SGCZ: variants seen among roughly 807,000 people sequenced by gnomAD.
The protein encoded by SGCZ is sarcoglycan zeta.
In SGCZ, 40 loss-of-function variants were observed where a neutral mutation model predicts 41.3. The observed-to-expected ratio is 0.97, with a 90% confidence interval of 0.75 to 1.26. The LOEUF is 1.26. Ranked by LOEUF, SGCZ falls within the 50% of genes most tolerant of loss-of-function variation. SGCZ has a pLI of 0.00. For missense variants in SGCZ, 552 were observed against 369.8 expected, an observed-to-expected ratio of 1.49 and a Z score of -4.04; for synonymous variants, 206 against 137.5, an observed-to-expected ratio of 1.50 and a Z score of -3.49.
chr8:15,016,687 T>C (rs1270105754), intron 1 of SGCZ, among the ~76,000 whole-genome samples: 2 of 152,162 alleles, frequency 1.3e-5, no homozygotes, highest in African/African-American at 4.8e-5. Flanking sequence ...AATGTGTTAG[T>C]CTATTTTACA....
intron 1 of SGCZ, among the ~76,000 whole-genome samples, chr8:14,875,933 G>A (rs1585339941): frequency 1.3e-5 from 2 of 152,090 alleles, no homozygotes; most frequent in South Asian, 4.1e-4. Flanking sequence ...GAATAGCAGA[G>A]TAATAAACTC....
chr8:14,987,429 A>G (rs1397453046), intron 1 of SGCZ, among the ~76,000 whole-genome samples: 1 of 152,020 alleles, frequency 6.6e-6, no homozygotes, highest in Non-Finnish European at 1.5e-5. Context: ...TGCATTTTAT[A>G]GTATCAGTTT....
chr8:14,699,745 G>A (rs1036785686), intron 1 of SGCZ, among the ~76,000 whole-genome samples: 5 of 151,592 alleles, frequency 3.3e-5, no homozygotes, highest in East Asian at 1.9e-4. Context: ...TCCAGAACCC[G>A]TAAGGAACCT....
intron 4 of SGCZ, among the ~76,000 whole-genome samples, chr8:14,177,673 C>T (rs1392025563): frequency 1.7e-5 from 2 of 115,108 alleles, no homozygotes; most frequent in South Asian, 2.5e-4. Flanking sequence ...CCACGCCCTG[C>T]TATTTTTTTT....
chr8:15,114,745 GTTTTC>G (rs1563133882), intron 1 of SGCZ, among the ~76,000 whole-genome samples: 2 of 149,238 alleles, frequency 1.3e-5, no homozygotes, highest in African/African-American at 4.9e-5. Context: ...AGATACAAGC[GTTTTC>G]TTTTTGTTTT....
intron 3 of SGCZ, among the ~76,000 whole-genome samples, chr8:14,278,196 C>G (rs1800301000): frequency 6.6e-6 from 1 of 152,112 alleles, no homozygotes; most frequent in African/African-American, 2.4e-5. Context: ...TGCCTACAGT[C>G]CCACATATCG....
At position 14,088,800 on chromosome 8, in the gene SGCZ, G is replaced by T. The variant is rs1314387134; in HGVS notation, c.*1643C>A. Among the ~76,000 whole-genome samples, 1 of 151,700 alleles carries T rather than the reference G, an allele frequency of 6.6e-6. No homozygotes were observed. The highest frequency in any genetic ancestry group is 1.9e-4 in the East Asian group (1 of 5,152). ...GGTCAAATATTTCACTTTTCTTCTTGCATTGCCAATATTTCTACTTTCACT... is the reference window on the plus strand; with the variant it reads ...GGTCAAATATTTCACTTTTCTTCTTTCATTGCCAATATTTCTACTTTCACT... On this transcript the variant is annotated 3_prime_UTR_variant, in exon 8 of 8. Coordinates refer to ENST00000382080, the MANE Select transcript of SGCZ (RefSeq NM_139167.4).
chr8:14,321,424 C>A (rs1421703603), intron 3 of SGCZ, among the ~76,000 whole-genome samples: 1 of 151,918 alleles, frequency 6.6e-6, no homozygotes, highest in Non-Finnish European at 1.5e-5. Flanking sequence ...GTTGGCCCAG[C>A]CCATAGTTGA....
chr8:15,166,370 C>T (rs1385029616), intron 1 of SGCZ, among the ~76,000 whole-genome samples: 3 of 151,868 alleles, frequency 2.0e-5, no homozygotes, highest in East Asian at 1.9e-4. Flanking sequence ...GCCTCAGCCT[C>T]CTGGGTAGCT....
At chr8:14,823,350 C>T (rs576179661) in intron 1 of SGCZ, among the ~76,000 whole-genome samples, 2 of 151,744 alleles carry the variant, frequency 1.3e-5, no homozygotes, top group South Asian at 4.2e-4. Context: ...GATTTAAAAT[C>T]CAGAATATGT....
At chr8:14,659,154 G>C (rs1474225660) in intron 1 of SGCZ, among the ~76,000 whole-genome samples, 1 of 151,936 alleles carries the variant, frequency 6.6e-6, no homozygotes. Flanking sequence ...CAAACCTCTG[G>C]AAATACTAGT....
intron 5 of SGCZ, among the ~76,000 whole-genome samples, chr8:14,129,745 A>C (rs1802980788): frequency 7.2e-6 from 1 of 138,204 alleles, no homozygotes; most frequent in Non-Finnish European, 1.5e-5. Flanking sequence ...ATAACATATA[A>C]AATAATATAA....
At chr8:14,786,047 T>C (rs1800757176) in intron 1 of SGCZ, among the ~76,000 whole-genome samples, 2 of 131,974 alleles carry the variant, frequency 1.5e-5, no homozygotes, top group Admixed American at 7.1e-5. Flanking sequence ...TTTAAGACTT[T>C]ATTGTCCTAA....
chr8:14,649,317 C>T (rs765622071), intron 1 of SGCZ, among the ~76,000 whole-genome samples: 8 of 152,096 alleles, frequency 5.3e-5, no homozygotes, highest in Non-Finnish European at 1.0e-4. Context: ...ATATCCATGA[C>T]ATGCATACTT....
chr8:14,279,328 A>ATGCTATC (rs1800343565), intron 3 of SGCZ, among the ~76,000 whole-genome samples: 1 of 152,094 alleles, frequency 6.6e-6, no homozygotes, highest in Non-Finnish European at 1.5e-5. Flanking sequence ...CATTAAAACA[A>ATGCTATC]TGCAACTACA....
In SGCZ at chr8:15,040,010, A is replaced by C. The variant is rs559927104; in HGVS notation, c.39+197575T>G. Among the ~76,000 whole-genome samples the C allele has an allele frequency of 6.6e-5, 10 of 152,348 alleles. No homozygotes were observed. In the East Asian group the frequency reaches 1.7e-3, roughly 26 times the overall value. ...CATTTAATTTGCAAAAAAAGTTAAT[A>C]ACCAGCAAGTGATTGACTATTTTGA... On this transcript the variant is annotated intron_variant, in intron 1 of 7. Transcript: ENST00000382080.
intron 1 of SGCZ, among the ~76,000 whole-genome samples, chr8:15,124,914 T>C (rs150529406): frequency 5.5e-4 from 84 of 152,294 alleles, no homozygotes; most frequent in African/African-American, 1.8e-3. Flanking sequence ...TACAAAATTT[T>C]ATTTCATATG....
intron 1 of SGCZ, among the ~76,000 whole-genome samples, chr8:14,890,553 T>C (rs1267781693): frequency 6.6e-6 from 1 of 152,208 alleles, no homozygotes; most frequent in African/African-American, 2.4e-5. Flanking sequence ...AGTTGGTTCA[T>C]GAGGTTTAAG....
At chr8:14,557,684 C>T (rs1804075075) in intron 1 of SGCZ, among the ~76,000 whole-genome samples, 1 of 151,886 alleles carries the variant, frequency 6.6e-6, no homozygotes, top group Non-Finnish European at 1.5e-5. Flanking sequence ...AATAGGGTGT[C>T]CTTTCCCTAC....
Sources: gnomAD v4.1 joint callset for allele counts (sites outside exome capture counted in the v4.1 genomes callset) on GRCh38, gnomAD v4.1.1 for gene constraint, MANE v1.5 for transcripts, NCBI Gene and HGNC (gene_info 2026-07-23, HGNC 2026-07-21) for gene names.